The following ASPH variants were observed in gnomAD, a reference collection of about 807,000 sequenced individuals.
ASPH encodes the protein aspartyl/asparaginyl beta-hydroxylase.
ASPH carries 100 observed loss-of-function variants against 118.4 expected under a neutral mutation model. The observed-to-expected ratio is 0.84, with a 90% CI of 0.72 to 1.00. ASPH has a LOEUF of 1.00. Among genes scored for constraint, ASPH ranks in the 50% least tolerant of loss-of-function variants. ASPH has a pLI of 0.00. For synonymous variants in ASPH, 315 were observed against 325.6 expected (o/e 0.97, Z 0.35); for missense variants, 920 against 919.5 (o/e 1.00, Z -0.01).
chr8:61,507,089 A>T (rs890118802), intron 24 of ASPH, among the ~76,000 whole-genome samples: 1 of 152,246 alleles, frequency 6.6e-6, no homozygotes, highest in African/African-American at 2.4e-5. Context: ...CCAAAGATCT[A>T]GAATTGTTTT....
At chr8:61,673,966 C>G (rs572612048) in intron 3 of ASPH, among the ~76,000 whole-genome samples, 1 of 152,242 alleles carries the variant, frequency 6.6e-6, no homozygotes, top group South Asian at 2.1e-4. Flanking sequence ...AAATTTTTAT[C>G]CCACATTCTT....
intron 3 of ASPH, chr8:61,664,686 G>C (rs895684791): frequency 1.0e-6 from 1 of 986,038 alleles, no homozygotes; most frequent in African/African-American, 1.7e-5. Context: ...GGGAAAAGGG[G>C]AAGGAGAACC....
chr8:61,603,528 A>T (rs1844721740), intron 14 of ASPH, among the ~76,000 whole-genome samples: 1 of 152,242 alleles, frequency 6.6e-6, no homozygotes, highest in Non-Finnish European at 1.5e-5. Context: ...TCCTATGTGG[A>T]ATATGACAAT....
chr8:61,567,891 T>A (rs59283224), intron 16 of ASPH, among the ~76,000 whole-genome samples: 2 of 151,084 alleles, frequency 1.3e-5, no homozygotes, highest in East Asian at 1.9e-4. Flanking sequence ...TGGTAAGGAG[T>A]TGCTAATTTA....
In ASPH at chr8:61,652,069, C is replaced by T. The variant is rs556233070; in HGVS notation, c.416-945G>A. Reference sequence around the variant, plus strand: ...AATATCTACTATGCTAATCACACTACAAAATCATTTCCAAAGCATAAAAAT... The same window carrying T: ...AATATCTACTATGCTAATCACACTATAAAATCATTTCCAAAGCATAAAAAT... On this transcript the variant is annotated intron_variant, in intron 4 of 24. Transcript: ENST00000379454. Among the ~76,000 whole-genome samples, 8 of 152,282 alleles carry T rather than the reference C, an allele frequency of 5.3e-5. No individual in the cohort carries two copies. In the South Asian group the frequency reaches 1.7e-3, roughly 32 times the overall value.
chr8:61,697,144 G>A (rs2151835438), intron 1 of ASPH, among the ~76,000 whole-genome samples: 1 of 152,314 alleles, frequency 6.6e-6, no homozygotes. Context: ...AGCATACACA[G>A]AAGAATCCTG....
chr8:61,506,342 T>C (rs1026607312), intron 24 of ASPH, among the ~76,000 whole-genome samples: 12 of 152,048 alleles, frequency 7.9e-5, no homozygotes, highest in Non-Finnish European at 1.5e-4. Context: ...GGAATGGGAG[T>C]TATTTAATGG....
At chr8:61,639,249 C>CA (rs750700669) in intron 10 of ASPH, among the ~76,000 whole-genome samples, 15 of 152,234 alleles carry the variant, frequency 9.9e-5, no homozygotes, top group Admixed American at 2.0e-4. Context: ...TGCTTCTCGT[C>CA]ACCCTCTCTT....
intron 14 of ASPH, among the ~76,000 whole-genome samples, chr8:61,603,114 G>A (rs1050185482): frequency 2.8e-5 from 4 of 144,478 alleles, no homozygotes; most frequent in African/African-American, 7.7e-5. Context: ...AATCGCTTGA[G>A]CCTGGGAGGT....
intron 16 of ASPH, among the ~76,000 whole-genome samples, chr8:61,571,299 G>T (rs1387634997): frequency 6.6e-6 from 1 of 152,104 alleles, no homozygotes; most frequent in East Asian, 1.9e-4. Context: ...TTTCTACTGT[G>T]ACATAAGGAT....
chr8:61,653,517 T>C, intron 4 of ASPH, 51 bp downstream of exon 4: 5 of 1,559,576 alleles, frequency 3.2e-6, no homozygotes, highest in Non-Finnish European at 4.4e-6. Context: ...TGCGGATACC[T>C]GTCAGGCTCT....
At chr8:61,550,212 C>A (rs991136256) in intron 20 of ASPH, among the ~76,000 whole-genome samples, 7 of 151,910 alleles carry the variant, frequency 4.6e-5, no homozygotes, top group African/African-American at 1.5e-4. Flanking sequence ...GCTATAAAAT[C>A]AAAGATCAAG....
Position 61,646,732 on chromosome 8 carries a change from GA to G in ASPH, c.619+17del. 6 of 1,598,438 alleles carry G rather than the reference GA, an allele frequency of 3.8e-6. No homozygotes were observed. Among genetic ancestry groups the G allele is most frequent in the African/African-American group, 1.3e-5 (1 of 74,178 alleles). On this transcript the variant is annotated intron_variant, in intron 6 of 24. Transcript: ENST00000379454. ...TTGATTATATTTTATCCTAAAACTT[GA>G]AAAAAAAGTGTTCTACCTTCATGAG...
intron 1 of ASPH, among the ~76,000 whole-genome samples, chr8:61,701,091 G>A (rs1285119848): frequency 6.6e-6 from 1 of 152,118 alleles, no homozygotes; most frequent in Non-Finnish European, 1.5e-5. Context: ...CCCAGCCTCA[G>A]AGGTGGCCCC....
At chr8:61,556,317 T>C (rs1827846240) in intron 18 of ASPH, among the ~76,000 whole-genome samples, 1 of 152,164 alleles carries the variant, frequency 6.6e-6, no homozygotes, top group South Asian at 2.1e-4. Context: ...ACAATGCAAA[T>C]CAGCAAAATA....
At chr8:61,603,249 A>C (rs1229372687) in intron 14 of ASPH, among the ~76,000 whole-genome samples, 1 of 151,322 alleles carries the variant, frequency 6.6e-6, no homozygotes, top group Non-Finnish European at 1.5e-5. Flanking sequence ...ATTTCTGAAT[A>C]TCATAGTTGG....
chr8:61,647,686 A>ATAAAT (rs1422484092), intron 5 of ASPH, among the ~76,000 whole-genome samples: 2 of 152,168 alleles, frequency 1.3e-5, no homozygotes, highest in East Asian at 1.9e-4. Context: ...AAATAAATAA[A>ATAAAT]TAAATTAAAT....
chr8:61,603,746 G>C (rs1844795366), intron 14 of ASPH, among the ~76,000 whole-genome samples: 1 of 152,158 alleles, frequency 6.6e-6, no homozygotes, highest in Admixed American at 6.5e-5. Context: ...TGGTAGGGGG[G>C]AAGTAAATTA....
At chr8:61,711,562 T>G (rs909631421) in intron 1 of ASPH, among the ~76,000 whole-genome samples, 2 of 152,136 alleles carry the variant, frequency 1.3e-5, no homozygotes, top group Non-Finnish European at 2.9e-5. Flanking sequence ...AAGCAGACAC[T>G]TGCTTTAAAA....
Sources: gnomAD v4.1 joint callset for allele counts (sites outside exome capture counted in the v4.1 genomes callset) on GRCh38, gnomAD v4.1.1 for gene constraint, MANE v1.5 for transcripts, NCBI Gene and HGNC (gene_info 2026-07-23, HGNC 2026-07-21) for gene names.